The following GUCY1A2 variants were observed in gnomAD, a reference collection of about 807,000 sequenced individuals.
GUCY1A2 encodes guanylate cyclase 1 soluble subunit alpha 2.
In GUCY1A2, 27 loss-of-function variants were observed where a neutral mutation model predicts 63.5. The observed-to-expected ratio is 0.43, with a 90% CI of 0.31 to 0.59. The LOEUF (loss-of-function observed/expected upper bound fraction) is 0.59. GUCY1A2 is among the 20% of genes least tolerant of loss of function. The pLI is 0.11. For missense variants in GUCY1A2, 768 were observed against 913.3 expected, an observed-to-expected ratio of 0.84 and a Z score of 2.05; for synonymous variants, 364 against 343.5, an observed-to-expected ratio of 1.06 and a Z score of -0.66.
At chr11:107,001,682 T>TAA (rs11402662) in intron 1 of GUCY1A2, among the ~76,000 whole-genome samples, 2 of 150,338 alleles carry the variant, frequency 1.3e-5, no homozygotes, top group African/African-American at 4.9e-5. Context: ...GTGGTATACT[T>TAA]AAAAAAAAAA....
chr11:106,703,284 C>A (rs1210027446), intron 7 of GUCY1A2, among the ~76,000 whole-genome samples: 1 of 152,124 alleles, frequency 6.6e-6, no homozygotes, highest in Non-Finnish European at 1.5e-5. Flanking sequence ...TACATCTATC[C>A]TATTAGTTCT....
At chr11:106,792,744 C>T (rs1316104070) in intron 5 of GUCY1A2, among the ~76,000 whole-genome samples, 1 of 152,124 alleles carries the variant, frequency 6.6e-6, no homozygotes, top group African/African-American at 2.4e-5. Flanking sequence ...CTATTCAACA[C>T]AGTATTGAAA....
chr11:106,690,068 G>A lies in GUCY1A2; in HGVS notation c.1992-2312C>T, dbSNP rs999083713. On this transcript the variant is annotated intron_variant, in intron 7 of 7. Transcript: ENST00000526355. ...GAAAAAGGAACATGTATACACAGTT[G>A]TTGGGAATGTAAATTAGTTCAGCCA... 9.2e-5 allele frequency among the ~76,000 whole-genome samples: 14 copies of A among 152,026 alleles called. No individual in the cohort carries two copies. In the South Asian group the frequency reaches 1.5e-3, roughly 16 times the overall value.
Position 106,682,561 on chromosome 11 carries a change from G to A in GUCY1A2, c.*4988C>T, listed in dbSNP as rs1862449878. ...TTTCTTAAGGATGGGATGGCAATGA[G>A]GTACTTAACTGAAACCGTGATCTGG... is the stretch of plus-strand genomic sequence containing the variant. On this transcript the variant is annotated 3_prime_UTR_variant, in exon 8 of 8. Transcript: ENST00000526355. 9.4e-6 allele frequency: 2 copies of A among 212,074 alleles called. No homozygotes were observed. Among genetic ancestry groups the A allele is most frequent in the Non-Finnish European group, 1.9e-5 (2 of 104,684 alleles). The allele number at this position is 212,074 out of a possible 1,614,324, so 13.1% of individuals were successfully genotyped here. A position where few individuals can be genotyped will look rare whatever the true frequency, so the allele number is the denominator to read the frequency against.
chr11:106,788,732 G>T (rs1466565030), intron 5 of GUCY1A2, among the ~76,000 whole-genome samples: 3 of 152,134 alleles, frequency 2.0e-5, no homozygotes, highest in Non-Finnish European at 2.9e-5. Context: ...GCTATATTCT[G>T]GGTTCTCTGT....
At chr11:106,853,616 T>C (rs754010362) in intron 4 of GUCY1A2, among the ~76,000 whole-genome samples, 2 of 152,192 alleles carry the variant, frequency 1.3e-5, no homozygotes, top group Admixed American at 6.5e-5. Context: ...CTTAAGATCA[T>C]TATTTTGAAT....
At chr11:106,847,241 A>ATAT (rs1292355602) in intron 4 of GUCY1A2, among the ~76,000 whole-genome samples, 2 of 143,546 alleles carry the variant, frequency 1.4e-5, no homozygotes, top group African/African-American at 2.5e-5. Flanking sequence ...CAAAAAAAAA[A>ATAT]ATATATATAT....
rs567785091 is a variant in GUCY1A2, at chr11:106,946,784, T to A, written c.488-6606A>T. Among the ~76,000 whole-genome samples the A allele has an allele frequency of 1.6e-4, 25 of 152,306 alleles. No individual in the cohort carries two copies. The South Asian group carries it at 5.2e-3, about 32-fold the overall frequency. Reference sequence around the variant, plus strand: ...AGTGATGAAAATGTTCTAAAATTGATTGTAGTGATGGTTGCAAAACTTTGT... The same window carrying A: ...AGTGATGAAAATGTTCTAAAATTGAATGTAGTGATGGTTGCAAAACTTTGT... On this transcript the variant is annotated intron_variant, in intron 3 of 7. Coordinates refer to ENST00000526355, the MANE Select transcript of GUCY1A2 (RefSeq NM_000855.3).
chr11:106,957,316 C>T (rs1274165685), intron 3 of GUCY1A2, among the ~76,000 whole-genome samples: 1 of 151,900 alleles, frequency 6.6e-6, no homozygotes, highest in African/African-American at 2.4e-5. Flanking sequence ...CTTCTTCCCC[C>T]CTCCCCACCA....
At chr11:106,846,544 G>T (rs189590076) in intron 4 of GUCY1A2, among the ~76,000 whole-genome samples, 1 of 151,650 alleles carries the variant, frequency 6.6e-6, no homozygotes, top group Admixed American at 6.6e-5. Context: ...AGAAGGAGCA[G>T]TGTTCTATTT....
intron 4 of GUCY1A2, among the ~76,000 whole-genome samples, chr11:106,883,512 T>TA (rs1859855701): frequency 6.6e-6 from 1 of 152,078 alleles, no homozygotes; most frequent in Non-Finnish European, 1.5e-5. Flanking sequence ...CTATGTAATG[T>TA]GTAGGAAGAA....
intron 4 of GUCY1A2, among the ~76,000 whole-genome samples, chr11:106,824,491 T>C (rs556573419): frequency 6.6e-6 from 1 of 152,216 alleles, no homozygotes; most frequent in Non-Finnish European, 1.5e-5. Flanking sequence ...TTGAGAAGTC[T>C]GTTTCTGCTG....
At chr11:106,895,515 A>C (rs1466338498) in intron 4 of GUCY1A2, among the ~76,000 whole-genome samples, 1 of 152,126 alleles carries the variant, frequency 6.6e-6, no homozygotes, top group African/African-American at 2.4e-5. Flanking sequence ...CATGATAGTA[A>C]GTCTTACAAG....
At chr11:107,013,769 AACT>A (rs1389915093) in intron 1 of GUCY1A2, among the ~76,000 whole-genome samples, 2 of 152,210 alleles carry the variant, frequency 1.3e-5, no homozygotes, top group Non-Finnish European at 2.9e-5. Flanking sequence ...CAATGAACAA[AACT>A]ACCCAAAGTG....
chr11:106,819,886 G>T (rs1279985488), intron 4 of GUCY1A2, among the ~76,000 whole-genome samples: 2 of 152,060 alleles, frequency 1.3e-5, no homozygotes, highest in African/African-American at 4.8e-5. Flanking sequence ...AGTACAGAAA[G>T]ACAAGTACCC....
intron 4 of GUCY1A2, among the ~76,000 whole-genome samples, chr11:106,842,455 T>G (rs977640396): frequency 1.3e-5 from 2 of 152,036 alleles, no homozygotes; most frequent in African/African-American, 4.8e-5. Flanking sequence ...GACTGTCTAC[T>G]AAATAAAATA....
intron 2 of GUCY1A2, among the ~76,000 whole-genome samples, chr11:106,985,689 T>C (rs536564307): frequency 9.2e-5 from 14 of 152,204 alleles, no homozygotes; most frequent in Non-Finnish European, 1.3e-4. Flanking sequence ...AAGGCTGTAG[T>C]GATTCTTATC....
chr11:106,759,879 G>A (rs1052487077), intron 6 of GUCY1A2, among the ~76,000 whole-genome samples: 6 of 152,200 alleles, frequency 3.9e-5, no homozygotes, highest in African/African-American at 1.4e-4. Context: ...AGCTTGCAGT[G>A]AGCAGACATT....
intron 4 of GUCY1A2, among the ~76,000 whole-genome samples, chr11:106,878,894 C>T (rs1859787644): frequency 6.6e-6 from 1 of 151,456 alleles, no homozygotes; most frequent in Non-Finnish European, 1.5e-5. Flanking sequence ...CTTTGTAAAA[C>T]TCATTTCAGA....
Sources: allele counts gnomAD v4.1 joint callset (sites outside exome capture counted in the v4.1 genomes callset), GRCh38; gene constraint gnomAD v4.1.1; transcripts MANE v1.5; gene names NCBI Gene and HGNC (gene_info 2026-07-23, HGNC 2026-07-21).